Variants in ZFHX3 observed in about 807,000 individuals in gnomAD.
The protein encoded by ZFHX3 is zinc finger homeobox protein 3.
Under a neutral mutation model 279.1 loss-of-function variants are expected in ZFHX3, and 42 were observed. That is an observed-to-expected ratio of 0.15 (90% CI 0.12 to 0.19). The LOEUF is 0.19. Among genes scored for constraint, ZFHX3 ranks in the 10% least tolerant of loss-of-function variants. ZFHX3 has a pLI of 1.00. For synonymous variants in ZFHX3, 2,293 were observed against 1,957.8 expected (o/e 1.17, Z -4.52); for missense variants, 4,981 against 4,754.0 (o/e 1.05, Z -1.40).
intron 2 of ZFHX3, among the ~76,000 whole-genome samples, chr16:73,481,503 G>A (rs950322726): frequency 4.0e-5 from 6 of 151,192 alleles, no homozygotes; most frequent in Admixed American, 1.3e-4. Flanking sequence ...CTATGATCAC[G>A]GCTTACTGCA....
intron 1 of ZFHX3, among the ~76,000 whole-genome samples, chr16:73,710,735 G>A (rs1395343446): frequency 6.6e-6 from 1 of 152,110 alleles, no homozygotes; most frequent in African/African-American, 2.4e-5. Context: ...CAGTAACTGG[G>A]CATCAAACAA....
At chr16:73,638,534 G>A (rs1206548113) in intron 2 of ZFHX3, among the ~76,000 whole-genome samples, 1 of 152,144 alleles carries the variant, frequency 6.6e-6, no homozygotes, top group Non-Finnish European at 1.5e-5. Context: ...TCTTTGAAGG[G>A]TTCATGTTAG....
chr16:72,891,745 CTG>C (rs1280570227), intron 3 of ZFHX3, among the ~76,000 whole-genome samples: 4 of 152,182 alleles, frequency 2.6e-5, no homozygotes. Flanking sequence ...TTATGTGCTC[CTG>C]TGATTACGTG....
intron 2 of ZFHX3, among the ~76,000 whole-genome samples, chr16:73,677,870 T>A (rs1323226521): frequency 6.6e-6 from 1 of 151,924 alleles, no homozygotes; most frequent in Non-Finnish European, 1.5e-5. Context: ...CTTAGGGAGG[T>A]TTATTTCTGG....
rs1222501014 is a variant in ZFHX3 at position 73,603,073 on chromosome 16, C to A, written c.-1547+77107G>T. On this transcript the variant is annotated intron_variant, in intron 2 of 17. Transcript: ENST00000641206. The stretch of plus-strand genomic sequence containing the variant: ...GGCCGAGGCGGGTGGATCACGAGGT[C>A]AGGAGATAGAGACCATCCTGGCTAA... 2.6e-5 allele frequency among the ~76,000 whole-genome samples: 4 copies of A among 152,046 alleles called. No homozygotes were observed. The East Asian group carries it at 7.7e-4, about 29-fold the overall frequency.
intron 2 of ZFHX3, among the ~76,000 whole-genome samples, chr16:73,631,839 G>A (rs1276906759): frequency 6.6e-6 from 1 of 151,884 alleles, no homozygotes; most frequent in East Asian, 1.9e-4. Flanking sequence ...CCTGGGAGGT[G>A]GAGGTTGCAG....
Position 72,958,607 on chromosome 16 carries a change from G to T in ZFHX3, c.1539C>A (p.Ala513=). 1 of 1,614,070 alleles carries T rather than the reference G, an allele frequency of 6.2e-7. No individual in the cohort carries two copies. Among genetic ancestry groups the T allele is most frequent in the Non-Finnish European group, 8.5e-7 (1 of 1,180,016 alleles). Residue 513 remains alanine, a synonymous_variant, in exon 2 of 10, where the codon GCC becomes GCA. Coordinates refer to ENST00000268489, the MANE Select transcript of ZFHX3 (RefSeq NM_006885.4). ...CCTTTTTGCTGCTACTACCTGCTGC[G>T]GCCCCAGGCTCCTCATGGGGCCTGT... ...LEDRPHEEPG[A]AAGSSSKKDL... is the part of the protein sequence containing the mutation.
chr16:72,988,200 T>G (rs532750462), intron 1 of ZFHX3, among the ~76,000 whole-genome samples: 96 of 152,286 alleles, frequency 6.3e-4, no homozygotes, highest in African/African-American at 2.0e-3. Context: ...TAATTTGACC[T>G]CCACAAAATA....
intron 2 of ZFHX3, among the ~76,000 whole-genome samples, chr16:73,554,047 C>T (rs989472416): frequency 2.0e-5 from 3 of 152,162 alleles, no homozygotes; most frequent in African/African-American, 7.2e-5. Context: ...TGTATGCAGG[C>T]AACAGGGAGT....
chr16:73,223,417 C>A (rs1361363095), intron 5 of ZFHX3, among the ~76,000 whole-genome samples: 2 of 152,128 alleles, frequency 1.3e-5, no homozygotes, highest in Non-Finnish European at 2.9e-5. Context: ...AAGACCTTAA[C>A]AGACGCCTCA....
At position 72,784,816 on chromosome 16, in the gene ZFHX3, A is replaced by G. The variant is rs141153025; in HGVS notation, c.*2348T>C. The G allele has an allele frequency of 1.7e-3, 267 of 152,692 alleles. No homozygotes were observed. Among genetic ancestry groups the G allele is most frequent in the African/African-American group, 6.2e-3 (257 of 41,564 alleles). The allele number at this position is 152,692 out of a possible 1,614,324, so 9.5% of individuals were successfully genotyped here. On this transcript the variant is annotated 3_prime_UTR_variant, in exon 10 of 10. Coordinates refer to ENST00000268489, the MANE Select transcript of ZFHX3 (RefSeq NM_006885.4). ...AAAAACAATTAAAAAAGGAATTTGC[A>G]CTGTGCATCAGCCTAGTTAGAAATA...
intron 2 of ZFHX3, among the ~76,000 whole-genome samples, chr16:73,602,828 T>C (rs1463704920): frequency 7.0e-6 from 1 of 142,946 alleles, no homozygotes; most frequent in Admixed American, 6.7e-5. Context: ...GCACCTGTAA[T>C]CCAAGGTATT....
chr16:73,316,397 C>A (rs2015448995), intron 4 of ZFHX3, among the ~76,000 whole-genome samples: 1 of 152,150 alleles, frequency 6.6e-6, no homozygotes, highest in African/African-American at 2.4e-5. Context: ...CCACCCTCAC[C>A]CCCAACACTC....
chr16:73,311,808 G>T (rs4888460), intron 4 of ZFHX3, among the ~76,000 whole-genome samples: 2 of 151,862 alleles, frequency 1.3e-5, no homozygotes, highest in Admixed American at 6.6e-5. Flanking sequence ...TAATTGGACC[G>T]TGCAACATTT....
chr16:73,161,549 G>C (rs572338539), intron 5 of ZFHX3, among the ~76,000 whole-genome samples: 1 of 152,268 alleles, frequency 6.6e-6, no homozygotes, highest in African/African-American at 2.4e-5. Flanking sequence ...GTAGACATTT[G>C]GCACTGCACT....
intron 1 of ZFHX3, among the ~76,000 whole-genome samples, chr16:73,840,230 A>T (rs975706300): frequency 3.9e-5 from 6 of 152,138 alleles, no homozygotes; most frequent in African/African-American, 1.2e-4. Flanking sequence ...GGGAGAAAGG[A>T]AAACAGCCAA....
chr16:73,098,303 C>T (rs749941528), intron 7 of ZFHX3, among the ~76,000 whole-genome samples: 5 of 152,046 alleles, frequency 3.3e-5, no homozygotes, highest in East Asian at 3.9e-4. Flanking sequence ...CTCCTGACCT[C>T]GTGATCCACC....
intron 2 of ZFHX3, chr16:73,504,745 T>C (rs1225875256): frequency 6.6e-6 from 1 of 152,158 alleles, no homozygotes; most frequent in Non-Finnish European, 1.5e-5. Context: ...GGTGCAGCTA[T>C]GAAAGCTATC....
intron 9 of ZFHX3, among the ~76,000 whole-genome samples, chr16:72,792,376 C>G (rs1299096524): frequency 1.3e-5 from 2 of 152,196 alleles, no homozygotes; most frequent in Non-Finnish European, 2.9e-5. Context: ...GAACGGCCAT[C>G]TTGTTAAAAA....
Sources: gnomAD v4.1 joint callset for allele counts (sites outside exome capture counted in the v4.1 genomes callset) on GRCh38, gnomAD v4.1.1 for gene constraint, MANE v1.5 for transcripts, NCBI Gene and HGNC (gene_info 2026-07-23, HGNC 2026-07-21) for gene names.